Variants in PTCH2 observed in about 807,000 individuals in gnomAD.
PTCH2 encodes protein patched homolog 2.
Under a neutral mutation model 117.9 loss-of-function variants are expected in PTCH2, and 96 were observed. The ratio of observed to expected loss-of-function variants is 0.81; its 90% CI spans 0.69 to 0.96. The LOEUF (loss-of-function observed/expected upper bound fraction) is 0.96. Among genes scored for constraint, PTCH2 ranks in the 50% least tolerant of loss-of-function variants. The pLI, the probability that PTCH2 is intolerant of heterozygous loss-of-function variation, is 0.00. For missense variants in PTCH2, 1,379 were observed against 1,562.5 expected, an observed-to-expected ratio of 0.88 and a Z score of 1.98; for synonymous variants, 615 against 660.9, an observed-to-expected ratio of 0.93 and a Z score of 1.06.
In PTCH2 at chr1:44,828,983, T is replaced by A. The variant is rs1297871808; in HGVS notation, c.1463A>T (p.Gln488Leu). 4.5e-6 allele frequency: 7 copies of A among 1,555,514 alleles called. No individual in the cohort carries two copies. In the East Asian group the frequency reaches 1.7e-4, roughly 38 times the overall value. The change falls in exon 11 of 22, where the codon CAG becomes CTG. Residue 488 changes from glutamine to leucine, a missense_variant and splice_region_variant. Coordinates refer to ENST00000372192, the MANE Select transcript of PTCH2 (RefSeq NM_003738.5). ...GAGCCCTGGGGGACAAGGCCCCACC[T>A]GGAGAGGGGTGCCAGGCAGAGCCTC... ...FTEALPGTPL[Q>L]ERMGECLQRT...
At position 44,828,041 on chromosome 1, in the gene PTCH2, T is replaced by C; in HGVS notation, c.1860A>G (p.Gln620=). The part of the protein sequence containing the change: ...SQHVVTILPP[Q]AHLVPPPSDP... ...CAGAAGGTGGGGGCACCAGGTGGGC[T>C]TGGGGAGGCAGGATGGTGACCACAT... The change falls in exon 14 of 22, where the codon CAA becomes CAG. Residue 620 remains glutamine (Q), a synonymous_variant. Transcript: ENST00000372192. The C allele has an allele frequency of 6.2e-7, 1 of 1,614,150 alleles. No homozygotes were observed. Among genetic ancestry groups the C allele is most frequent in the South Asian group, 1.1e-5 (1 of 91,080 alleles).
Position 44,829,728 on chromosome 1 carries a change from C to T in PTCH2, c.969G>A (p.Met323Ile), listed in dbSNP as rs746238861. Residue 323 changes from methionine (M) to isoleucine (I), a missense_variant, in exon 8 of 22, where the codon ATG becomes ATA. Met to Ile is a conservative substitution (Grantham distance 10). Coordinates refer to ENST00000372192, the MANE Select transcript of PTCH2 (RefSeq NM_003738.5). ...AEALQSTFLL[M>I]SPRQLYEHFR... Reference sequence around the variant, plus strand: ...AATGCTCGTACAGCTGGCGGGGACTCATCAGCAAGAAGGTGCTCTGCAGGG... The same window carrying T: ...AATGCTCGTACAGCTGGCGGGGACTTATCAGCAAGAAGGTGCTCTGCAGGG... 20 of 1,614,124 alleles carry T rather than the reference C, an allele frequency of 1.2e-5. No individual in the cohort carries two copies. In the East Asian group the frequency reaches 4.5e-4, roughly 36 times the overall value.
chr1:44,830,141 A>C, intron 6 of PTCH2, 111 bp from the exon 7 acceptor site: 1 of 1,432,678 alleles, frequency 7.0e-7, no homozygotes, highest in African/African-American at 1.4e-5. Flanking sequence ...GTAGGGCTGG[A>C]GTGTAGGTAA....
At position 44,828,336 on chromosome 1, in the gene PTCH2, G is replaced by A. The variant is rs765876309; in HGVS notation, c.1669C>T (p.Arg557Cys). ...AGCACATCAAGGCGCTGGCAGTGGCGCCGCCGTAGGTCCAGGCTGAGGATG... is the reference window on the plus strand; with the variant it reads ...AGCACATCAAGGCGCTGGCAGTGGCACCGCCGTAGGTCCAGGCTGAGGATG... ...PAILSLDLRR[R>C]HCQRLDVLCC... Residue 557 changes from arginine (R) to cysteine (C), a missense_variant, in exon 13 of 22, where the codon CGC (arginine) becomes TGC (cysteine). By Grantham distance (180) the Arg-to-Cys change is radical (BLOSUM62 -3). Transcript: ENST00000372192. 8.1e-6 allele frequency: 13 copies of A among 1,613,914 alleles called. No individual in the cohort carries two copies. Among genetic ancestry groups the A allele is most frequent in the South Asian group, 2.2e-5 (2 of 91,086 alleles).
At chr1:44,828,723 A>C in intron 11 of PTCH2, 92 bp from the exon 12 acceptor site, 1 of 1,529,928 alleles carries the variant, frequency 6.5e-7, no homozygotes, top group South Asian at 1.2e-5. Context: ...CTTGGGGTGC[A>C]GAGGTGGGGC....
intron 2 of PTCH2, among the ~76,000 whole-genome samples, chr1:44,841,123 C>T (rs1477826600): frequency 6.6e-6 from 1 of 151,752 alleles, no homozygotes; most frequent in East Asian, 1.9e-4. Context: ...GATCCAGGAT[C>T]GCACCACTGC....
intron 19 of PTCH2, among the ~76,000 whole-genome samples, chr1:44,824,420 T>A (rs16832251): frequency 0.22 from 34,172 of 151,952 alleles, 4,504 homozygotes; most frequent in African/African-American, 0.37. Flanking sequence ...GAGGCCCTCC[T>A]TGGTTCTGGC....
At chr1:44,819,862 A>C (rs181782534), downstream of PTCH2, 1,768 of 152,930 alleles carry the variant, frequency 0.012, 26 homozygotes, top group South Asian at 0.034. Flanking sequence ...TAGTTGCCTA[A>C]CTTTTAATAC....
chr1:44,834,537 G>T (rs979273622), intron 2 of PTCH2, among the ~76,000 whole-genome samples: 32 of 152,200 alleles, frequency 2.1e-4, no homozygotes, highest in African/African-American at 7.2e-4. Context: ...AGAGGACAGA[G>T]ATAAGCTCTC....
At chr1:44,820,380 C>T (rs1652865250), downstream of PTCH2, 2 of 592,678 alleles carry the variant, frequency 3.4e-6, no homozygotes, top group East Asian at 3.7e-5. Flanking sequence ...GGGTTAAGGT[C>T]CTGTCCCGCC....
At chr1:44,824,648 C>T (rs933794873) in intron 19 of PTCH2, among the ~76,000 whole-genome samples, 2 of 152,082 alleles carry the variant, frequency 1.3e-5, no homozygotes, top group African/African-American at 4.8e-5. Context: ...CAGGCACGCA[C>T]CACCATGCCC....
downstream of PTCH2, chr1:44,821,740 T>C: frequency 1.6e-6 from 2 of 1,240,688 alleles, no homozygotes; most frequent in South Asian, 2.8e-5. Context: ...AAATTTGTTA[T>C]CGTTTTGTAT....
chr1:44,820,570 A>G (rs901709546), downstream of PTCH2: 6 of 673,480 alleles, frequency 8.9e-6, no homozygotes, highest in African/African-American at 1.1e-4. Flanking sequence ...GAGGTGAGAA[A>G]GTGTTCTAGG....
chr1:44,827,381 G>T (rs1329052000), intron 15 of PTCH2, 21 bp downstream of exon 15: 1 of 1,613,718 alleles, frequency 6.2e-7, no homozygotes, highest in South Asian at 1.1e-5. Context: ...ACCCCTCCCT[G>T]CCCGTCTCCT....
intron 2 of PTCH2, 84 bp downstream of exon 2, chr1:44,841,763 T>C (rs1169589506): frequency 1.3e-6 from 2 of 1,505,348 alleles, no homozygotes; most frequent in African/African-American, 1.4e-5. Flanking sequence ...CCAGGCCTGC[T>C]AGAGCTCAGT....
chr1:44,828,530 A>G lies in PTCH2; in HGVS notation c.1566T>C (p.Pro522=). Residue 522 remains proline (P), a synonymous_variant, in exon 12 of 22, where the codon CCT becomes CCC. Coordinates refer to ENST00000372192, the MANE Select transcript of PTCH2 (RefSeq NM_003738.5). ...CCTGTAGGGAGAAGGCTCGCAGCGC[A>G]GGGATGGGAACGAGGGCAGCCATGA... ...AFLMAALVPI[P]ALRAFSLQAA... 9.9e-6 allele frequency: 16 copies of G among 1,614,118 alleles called. No homozygotes were observed. The highest frequency in any genetic ancestry group is 1.3e-5 in the Non-Finnish European group (15 of 1,180,026).
chr1:44,830,783 A>C (rs1653408867), intron 6 of PTCH2, 65 bp downstream of exon 6: 1 of 1,467,880 alleles, frequency 6.8e-7, no homozygotes, highest in Admixed American at 2.2e-5. Flanking sequence ...CCCAGAACAC[A>C]GGAGTATGAG....
chr1:44,827,830 T>C lies in PTCH2; in HGVS notation c.2058+13A>G. On this transcript the variant is annotated intron_variant, in intron 14 of 21. Coordinates refer to ENST00000372192, the MANE Select transcript of PTCH2 (RefSeq NM_003738.5). ...GAGATGCTAAGTCTCTGCCCTGCTCTGCCCAGTCTTACCTTAGCATGTGAC... is the reference window on the plus strand; with the variant it reads ...GAGATGCTAAGTCTCTGCCCTGCTCCGCCCAGTCTTACCTTAGCATGTGAC... The C allele has an allele frequency of 6.2e-7, 1 of 1,613,842 alleles. No individual in the cohort carries two copies. Among genetic ancestry groups the C allele is most frequent in the Non-Finnish European group, 8.5e-7 (1 of 1,179,854 alleles).
chr1:44,819,944 A>C (rs1026057568), downstream of PTCH2: 2 of 153,372 alleles, frequency 1.3e-5, no homozygotes, highest in African/African-American at 2.4e-5. Context: ...CTCTCCACGG[A>C]AATCTTTAGT....
Sources: allele counts gnomAD v4.1 joint callset (sites outside exome capture counted in the v4.1 genomes callset), GRCh38; gene constraint gnomAD v4.1.1; transcripts MANE v1.5; gene names NCBI Gene and HGNC (gene_info 2026-07-23, HGNC 2026-07-21).